Variants in USH2A observed in about 807,000 individuals in gnomAD.
USH2A encodes the protein usherin.
A neutral mutation model predicts 538.9 loss-of-function variants in USH2A; 443 were observed. The ratio of observed to expected loss-of-function variants is 0.82; its 90% CI spans 0.76 to 0.89. USH2A has a LOEUF of 0.89. Among genes scored for constraint, USH2A ranks in the 40% least tolerant of loss-of-function variants. USH2A has a pLI of 0.00. For synonymous variants in USH2A, 2,413 were observed against 2,273.5 expected, an observed-to-expected ratio of 1.06 and a Z score of -1.75; for missense variants, 6,633 against 6,324.8, an observed-to-expected ratio of 1.05 and a Z score of -1.65.
intron 56 of USH2A, among the ~76,000 whole-genome samples, chr1:215,760,675 G>A (rs920374003): frequency 2.0e-5 from 3 of 151,978 alleles, no homozygotes; most frequent in Non-Finnish European, 2.9e-5. Flanking sequence ...CCATTTTCTT[G>A]GACAAAACAC....
At chr1:216,295,135 A>G (rs1451034724) in intron 9 of USH2A, among the ~76,000 whole-genome samples, 1 of 151,728 alleles carries the variant, frequency 6.6e-6, no homozygotes, top group East Asian at 1.9e-4. Flanking sequence ...TTGACTATTG[A>G]TTTTACATAG....
chr1:216,137,967 G>A (rs2033519098), intron 21 of USH2A, among the ~76,000 whole-genome samples: 1 of 152,022 alleles, frequency 6.6e-6, no homozygotes, highest in East Asian at 1.9e-4. Flanking sequence ...TTAAAAAAAC[G>A]ACAAGATGAA....
At chr1:216,369,459 G>A (rs1023593794) in intron 3 of USH2A, among the ~76,000 whole-genome samples, 7 of 152,022 alleles carry the variant, frequency 4.6e-5, no homozygotes, top group Non-Finnish European at 7.4e-5. Context: ...ACTGTCTGAC[G>A]ATCACACACC....
chr1:216,088,182 G>T (rs1010650604), intron 23 of USH2A, among the ~76,000 whole-genome samples: 1 of 151,956 alleles, frequency 6.6e-6, no homozygotes, highest in African/African-American at 2.4e-5. Flanking sequence ...TATTTACATG[G>T]TTTCCCCTTT....
intron 21 of USH2A, among the ~76,000 whole-genome samples, chr1:216,141,759 A>G (rs1272999697): frequency 6.6e-6 from 1 of 152,156 alleles, no homozygotes; most frequent in African/African-American, 2.4e-5. Context: ...AAGGAGTATA[A>G]CAAGATGATT....
At chr1:216,200,155 C>T (rs1179933395) in intron 16 of USH2A, 34 bp from the exon 17 acceptor site, 3 of 1,590,660 alleles carry the variant, frequency 1.9e-6, no homozygotes, top group East Asian at 4.5e-5. Flanking sequence ...AACAAAGTTA[C>T]ATTTCACAAG....
intron 14 of USH2A, among the ~76,000 whole-genome samples, chr1:216,219,136 C>T (rs2035403681): frequency 6.6e-6 from 1 of 152,018 alleles, no homozygotes; most frequent in Admixed American, 6.6e-5. Flanking sequence ...GTAATAGCTT[C>T]CAATGTATAA....
rs375279569 is a variant in USH2A, at chr1:216,078,372, A to G, written c.5299-10T>C. 2.7e-5 allele frequency: 43 copies of G among 1,612,336 alleles called. No individual in the cohort carries two copies. In the African/African-American group the frequency reaches 4.3e-4, roughly 16 times the overall value. On this transcript the variant is annotated splice_polypyrimidine_tract_variant and intron_variant, in intron 26 of 71. Transcript: ENST00000307340. ...CACTTTTCAGCTCCATCTGTATTTT[A>G]TATTAAAAAAGAAAGTAGGTATATA...
chr1:216,300,682 C>CA (rs2037197458), intron 9 of USH2A, among the ~76,000 whole-genome samples: 2 of 150,848 alleles, frequency 1.3e-5, no homozygotes, highest in Non-Finnish European at 3.0e-5. Flanking sequence ...GACAATCTTT[C>CA]AAAGATAACC....
intron 9 of USH2A, among the ~76,000 whole-genome samples, chr1:216,296,395 T>C (rs1022192285): frequency 1.3e-5 from 2 of 152,156 alleles, no homozygotes; most frequent in South Asian, 2.1e-4. Context: ...AGTACTCTAT[T>C]AATACCTCAA....
intron 11 of USH2A, among the ~76,000 whole-genome samples, chr1:216,268,422 T>C (rs1214970949): frequency 6.6e-6 from 1 of 152,114 alleles, no homozygotes; most frequent in African/African-American, 2.4e-5. Flanking sequence ...TGTAAACATG[T>C]TTAGCATCAT....
intron 50 of USH2A, among the ~76,000 whole-genome samples, chr1:215,793,356 G>T (rs1269398978): frequency 6.6e-6 from 1 of 151,934 alleles, no homozygotes; most frequent in Non-Finnish European, 1.5e-5. Flanking sequence ...TAAGCCAAGG[G>T]ATATTTTAGG....
At chr1:215,939,712 C>T (rs1666589897) in intron 37 of USH2A, among the ~76,000 whole-genome samples, 1 of 152,082 alleles carries the variant, frequency 6.6e-6, no homozygotes, top group Non-Finnish European at 1.5e-5. Context: ...GGTATCCTTT[C>T]CTATTCTTGT....
rs146902745 is a variant in USH2A, at chr1:216,126,873, G to A, written c.4628-29660C>T. Among the ~76,000 whole-genome samples, 711 of 152,166 alleles carry A rather than the reference G, an allele frequency of 4.7e-3. 4 individuals carry two copies. Among genetic ancestry groups the A allele is most frequent in the African/African-American group, 0.016 (685 of 41,530 alleles). On this transcript the variant is annotated intron_variant, in intron 21 of 71. Coordinates refer to ENST00000307340, the MANE Select transcript of USH2A (RefSeq NM_206933.4). ...ATTGTTTCTATTGTATTGTTTCAAAGAAATATGGAAAATGCTATTCATGAT... is the reference window on the plus strand; with the variant it reads ...ATTGTTTCTATTGTATTGTTTCAAAAAAATATGGAAAATGCTATTCATGAT...
intron 35 of USH2A, among the ~76,000 whole-genome samples, chr1:215,975,684 T>C (rs763934123): frequency 1.3e-5 from 2 of 152,222 alleles, no homozygotes; most frequent in Non-Finnish European, 2.9e-5. Flanking sequence ...GTGTCTGTTT[T>C]TGTACCAGTA....
At chr1:216,349,640 C>T (rs988925944) in intron 4 of USH2A, among the ~76,000 whole-genome samples, 16 of 152,122 alleles carry the variant, frequency 1.1e-4, no homozygotes, top group Non-Finnish European at 8.8e-5. Context: ...AGGAAGTTAC[C>T]GTATATGGCC....
At chr1:215,706,818 T>C (rs555104075) in intron 61 of USH2A, among the ~76,000 whole-genome samples, 1 of 152,226 alleles carries the variant, frequency 6.6e-6, no homozygotes, top group East Asian at 1.9e-4. Context: ...GGAATATCTA[T>C]TGACTCAAGC....
intron 70 of USH2A, 95 bp downstream of exon 70, chr1:215,634,364 C>A: frequency 1.3e-6 from 2 of 1,589,594 alleles, no homozygotes; most frequent in Non-Finnish European, 1.7e-6. Flanking sequence ...ACATCTAATT[C>A]CTTGTTACCA....
chr1:215,913,627 T>C (rs1487538654), intron 38 of USH2A, among the ~76,000 whole-genome samples: 2 of 152,088 alleles, frequency 1.3e-5, no homozygotes, highest in African/African-American at 4.8e-5. Flanking sequence ...GTTGTTTAGT[T>C]TGAAAATATT....
Sources: allele counts gnomAD v4.1 joint callset (sites outside exome capture counted in the v4.1 genomes callset), GRCh38; gene constraint gnomAD v4.1.1; transcripts MANE v1.5; gene names NCBI Gene and HGNC (gene_info 2026-07-23, HGNC 2026-07-21).